Variants in XRN2 observed in about 807,000 individuals in gnomAD.
XRN2 encodes 5'-3' exoribonuclease 2.
In XRN2, 44 loss-of-function variants were observed where a neutral mutation model predicts 138.5. The ratio of observed to expected loss-of-function variants is 0.32; its 90% CI spans 0.25 to 0.41. The LOEUF is 0.41. Ranked by LOEUF, XRN2 falls within the 10% of genes least tolerant of loss-of-function variation. XRN2 has a pLI of 1.00. For synonymous variants in XRN2, 354 were observed against 369.4 expected (o/e 0.96, Z 0.48); for missense variants, 937 against 1,169.3 (o/e 0.80, Z 2.90).
intron 9 of XRN2, 30 bp downstream of exon 9, chr20:21,332,470 T>C (rs200970430): frequency 4.6e-5 from 67 of 1,448,868 alleles, no homozygotes; most frequent in Admixed American, 8.0e-5. Context: ...AGTTGCCTCA[T>C]TAAAAAAAAA....
At chr20:21,355,027 T>G (rs2038559571) in intron 21 of XRN2, among the ~76,000 whole-genome samples, 155 bp downstream of exon 21, 1 of 152,252 alleles carries the variant, frequency 6.6e-6, no homozygotes, top group African/African-American at 2.4e-5. Flanking sequence ...TTGACTTTGC[T>G]TCTTAATTCA....
intron 20 of XRN2, among the ~76,000 whole-genome samples, chr20:21,353,597 C>G (rs2038539470): frequency 6.6e-6 from 1 of 151,684 alleles, no homozygotes; most frequent in Non-Finnish European, 1.5e-5. Flanking sequence ...TTGAGACCAG[C>G]CTGCGTAACA....
chr20:21,339,413 T>C (rs935585758), intron 14 of XRN2, among the ~76,000 whole-genome samples: 3 of 152,186 alleles, frequency 2.0e-5, no homozygotes, highest in Admixed American at 1.3e-4. Flanking sequence ...TGTACTCTTA[T>C]TTCTACCTCT....
intron 24 of XRN2, among the ~76,000 whole-genome samples, chr20:21,361,378 A>G (rs1393680508): frequency 6.6e-6 from 1 of 152,218 alleles, no homozygotes; most frequent in Non-Finnish European, 1.5e-5. Context: ...CTGGTCTGGT[A>G]CATAAAAGCT....
At chr20:21,364,621 A>G (rs919160247) in intron 24 of XRN2, among the ~76,000 whole-genome samples, 47 of 152,138 alleles carry the variant, frequency 3.1e-4, no homozygotes, top group Admixed American at 3.1e-3. Context: ...ATCCTGGGCC[A>G]TGTGGGGAAA....
At position 21,322,320 on chromosome 20, in the gene XRN2, A is replaced by G. The variant is rs111679718; in HGVS notation, c.76-3959A>G. On this transcript the variant is annotated intron_variant, in intron 1 of 29. Coordinates refer to ENST00000377191, the MANE Select transcript of XRN2 (RefSeq NM_012255.5). ...CACCCATAAGTGTTAAAATTGTCTTATTATAGGTTGAATTTTTAAGCCAAA... is the reference window on the plus strand; with the variant it reads ...CACCCATAAGTGTTAAAATTGTCTTGTTATAGGTTGAATTTTTAAGCCAAA... 7.0e-4 allele frequency among the ~76,000 whole-genome samples: 107 copies of G among 152,344 alleles called. 3 individuals are homozygous for G. Among genetic ancestry groups the G allele is most frequent in the African/African-American group, 2.4e-3 (99 of 41,598 alleles).
In XRN2 at chr20:21,303,344, T is replaced by G. The variant is rs759500861; in HGVS notation, c.-55T>G. 4 of 1,535,342 alleles carry G rather than the reference T, an allele frequency of 2.6e-6. No homozygotes were observed. The African/African-American group carries it at 5.6e-5, about 22-fold the overall frequency. Reference sequence around the variant, plus strand: ...CTGGTGCCCTCTGCCGCTGCTCCCGTCTCTTTGGTTACGCTCGTCAGCCGG... The same window carrying G: ...CTGGTGCCCTCTGCCGCTGCTCCCGGCTCTTTGGTTACGCTCGTCAGCCGG... On this transcript the variant is annotated 5_prime_UTR_variant, in exon 1 of 30. Coordinates refer to ENST00000377191, the MANE Select transcript of XRN2 (RefSeq NM_012255.5).
intron 2 of XRN2, 27 bp from the exon 3 acceptor site, chr20:21,326,463 T>C (rs202127993): frequency 3.1e-6 from 5 of 1,613,862 alleles, no homozygotes; most frequent in Non-Finnish European, 4.2e-6. Flanking sequence ...CATTATATTA[T>C]ATTACATTGT....
chr20:21,309,316 T>G (rs2037846242), intron 1 of XRN2, among the ~76,000 whole-genome samples: 1 of 152,228 alleles, frequency 6.6e-6, no homozygotes, highest in South Asian at 2.1e-4. Flanking sequence ...AGCTGCAAAT[T>G]AAGTTTCTTT....
At chr20:21,361,111 C>T (rs6047398) in intron 24 of XRN2, among the ~76,000 whole-genome samples, 17 of 152,288 alleles carry the variant, frequency 1.1e-4, no homozygotes, top group African/African-American at 2.6e-4. Flanking sequence ...ATTCTTAAAG[C>T]GAATCAGAAA....
chr20:21,369,581 T>C (rs1436408403), intron 27 of XRN2, among the ~76,000 whole-genome samples: 1 of 152,258 alleles, frequency 6.6e-6, no homozygotes, highest in Non-Finnish European at 1.5e-5. Flanking sequence ...GGCAAGATGA[T>C]ACCTCATTGT....
intron 28 of XRN2, among the ~76,000 whole-genome samples, chr20:21,382,483 G>A (rs1451235810): frequency 2.0e-5 from 3 of 152,206 alleles, no homozygotes; most frequent in Admixed American, 2.0e-4. Context: ...CAAACCTCTT[G>A]AAGTCCTAAT....
intron 24 of XRN2, 123 bp downstream of exon 24, chr20:21,357,915 G>T (rs949257010): frequency 1.3e-5 from 9 of 719,032 alleles, no homozygotes; most frequent in Non-Finnish European, 2.0e-5. Flanking sequence ...TTCGAGATTG[G>T]AGAGTCCCTG....
chr20:21,351,812 A>G (rs2038513929), intron 20 of XRN2, among the ~76,000 whole-genome samples: 1 of 152,156 alleles, frequency 6.6e-6, no homozygotes, highest in East Asian at 1.9e-4. Flanking sequence ...TGCATATCAA[A>G]TTTTCCCGGC....
rs112866135 is a variant in XRN2, at chr20:21,381,861, A to G, written c.2585-133A>G. 2.0e-3 allele frequency: 1,273 copies of G among 647,176 alleles called. 11 individuals are homozygous for G. The African/African-American group carries it at 0.022, about 11-fold the overall frequency. 40.1% of individuals were successfully genotyped at this position (647,176 alleles called of 1,614,324 possible). On this transcript the variant is annotated intron_variant, in intron 27 of 29. Transcript: ENST00000377191. ...CCTTTTTACATTTGTGGTGTGTGTTATTATGATACTAGTTTATTTGGTTTA... is the reference window on the plus strand; with the variant it reads ...CCTTTTTACATTTGTGGTGTGTGTTGTTATGATACTAGTTTATTTGGTTTA...
chr20:21,353,156 T>TATATA (rs991296676), intron 20 of XRN2, among the ~76,000 whole-genome samples: 1 of 146,326 alleles, frequency 6.8e-6, no homozygotes. Flanking sequence ...TAATATTTAA[T>TATATA]ATATAATATA....
At chr20:21,360,092 T>A (rs922830275) in intron 24 of XRN2, among the ~76,000 whole-genome samples, 1 of 152,120 alleles carries the variant, frequency 6.6e-6, no homozygotes, top group East Asian at 1.9e-4. Context: ...GAGATCATAT[T>A]TTTTTCCCAT....
chr20:21,373,068 A>G (rs1426229946), intron 27 of XRN2, among the ~76,000 whole-genome samples: 3 of 152,066 alleles, frequency 2.0e-5, no homozygotes, highest in East Asian at 3.9e-4. Flanking sequence ...GCTGGAGTGC[A>G]GTGGCACAAT....
intron 28 of XRN2, among the ~76,000 whole-genome samples, chr20:21,385,200 A>T (rs956137751): frequency 6.6e-6 from 1 of 152,190 alleles, no homozygotes; most frequent in Non-Finnish European, 1.5e-5. Flanking sequence ...CTAAAACTCA[A>T]TTGAATTTTA....
Sources: gnomAD v4.1 joint callset for allele counts (sites outside exome capture counted in the v4.1 genomes callset) on GRCh38, gnomAD v4.1.1 for gene constraint, MANE v1.5 for transcripts, NCBI Gene and HGNC (gene_info 2026-07-23, HGNC 2026-07-21) for gene names.